The following STYXL2 variants were observed in gnomAD, a reference collection of about 807,000 sequenced individuals.
STYXL2 encodes serine/threonine/tyrosine-interacting-like protein 2.
In STYXL2, 44 loss-of-function variants were observed where a neutral mutation model predicts 52.4. The ratio of observed to expected loss-of-function variants is 0.84; its 90% confidence interval spans 0.66 to 1.08. STYXL2 has a LOEUF of 1.08. Ranked by LOEUF, STYXL2 falls within the 50% of genes least tolerant of loss-of-function variation. The pLI is 0.00. For missense variants in STYXL2, 1,604 were observed against 1,471.7 expected, an observed-to-expected ratio of 1.09 and a Z score of -1.47; for synonymous variants, 604 against 586.9, an observed-to-expected ratio of 1.03 and a Z score of -0.42.
intron 5 of STYXL2, among the ~76,000 whole-genome samples, chr1:167,121,340 G>A (rs1328950715): frequency 6.6e-6 from 1 of 152,222 alleles, no homozygotes; most frequent in Non-Finnish European, 1.5e-5. Flanking sequence ...AATGTAGGAC[G>A]TTTGACCAAC....
At chr1:167,102,162 T>G (rs1571332123) in intron 2 of STYXL2, among the ~76,000 whole-genome samples, 1 of 145,844 alleles carries the variant, frequency 6.9e-6, no homozygotes, top group African/African-American at 2.6e-5. Flanking sequence ...AGGGAGGGGG[T>G]GAGAGGGAGG....
chr1:167,125,757 AC>A (rs760064906), intron 5 of STYXL2, 29 bp from the exon 6 acceptor site: 10 of 1,551,552 alleles, frequency 6.4e-6, no homozygotes, highest in Middle Eastern at 3.5e-4. Context: ...CACTGTCATT[AC>A]ATCATTTTCT....
At chr1:167,107,256 G>A (rs6427062) in intron 2 of STYXL2, among the ~76,000 whole-genome samples, 68,322 of 151,828 alleles carry the variant, frequency 0.45, 16,810 homozygotes, top group East Asian at 0.9. Flanking sequence ...CCCTCAAGAC[G>A]TGGGTTCAAA....
rs1667997699 is a variant in STYXL2 at position 167,127,367 on chromosome 1, T to G, written c.2236T>G (p.Ser746Ala). 1.2e-6 allele frequency: 2 copies of G among 1,614,178 alleles called. No homozygotes were observed. Among genetic ancestry groups the G allele is most frequent in the Non-Finnish European group, 1.7e-6 (2 of 1,180,034 alleles). Residue 746 changes from serine (S) to alanine (A), a missense_variant, in exon 6 of 6, where the codon TCC becomes GCC. Ser to Ala is a moderately conservative substitution (Grantham distance 99). Transcript: ENST00000361200. ...AQKQNEMLLL[S>A]RSPSVASMKA... ...GAAGCAAAATGAAATGCTGCTGTTGTCCCGCTCACCGTCTGTTGCAAGCAT... is the reference window on the plus strand; with the variant it reads ...GAAGCAAAATGAAATGCTGCTGTTGGCCCGCTCACCGTCTGTTGCAAGCAT...
In STYXL2 at chr1:167,126,811, C is replaced by T. The variant is rs1392470472; in HGVS notation, c.1680C>T (p.Asp560=). Residue 560 remains aspartate (D), a synonymous_variant, in exon 6 of 6, where the codon GAC becomes GAT. Transcript: ENST00000361200. The part of the protein sequence containing the change: ...KRIQFGFHKK[D]LGAGDSSGEP... ...TCCAATTTGGATTTCACAAGAAAGA[C>T]TTGGGAGCGGGAGACAGCAGCGGTG... 5.0e-6 allele frequency: 8 copies of T among 1,614,062 alleles called. No homozygotes were observed. The highest frequency in any genetic ancestry group is 5.9e-6 in the Non-Finnish European group (7 of 1,180,036).
chr1:167,120,064 G>A (rs1054206262), intron 5 of STYXL2, among the ~76,000 whole-genome samples: 1 of 152,306 alleles, frequency 6.6e-6, no homozygotes, highest in Non-Finnish European at 1.5e-5. Context: ...TAAAAGCCAG[G>A]GTAAGAAGTT....
At chr1:167,111,735 G>T (rs1571338651) in intron 2 of STYXL2, among the ~76,000 whole-genome samples, 2 of 151,754 alleles carry the variant, frequency 1.3e-5, no homozygotes, top group South Asian at 2.1e-4. Flanking sequence ...TGGACTTTGG[G>T]GACTTGAGGG....
chr1:167,103,121 T>C (rs900736882), intron 2 of STYXL2, among the ~76,000 whole-genome samples: 1 of 152,164 alleles, frequency 6.6e-6, no homozygotes, highest in Non-Finnish European at 1.5e-5. Flanking sequence ...AATTCCAATC[T>C]CTGCCACTCC....
At chr1:167,096,268 A>G (rs759183622) in intron 2 of STYXL2, among the ~76,000 whole-genome samples, 4 of 152,118 alleles carry the variant, frequency 2.6e-5, no homozygotes, top group Non-Finnish European at 4.4e-5. Flanking sequence ...AAAAAAAAAG[A>G]AAAGAAAATT....
rs757430046 is a variant in STYXL2 at position 167,119,483 on chromosome 1, G to A, written c.655+17G>A. ...CTTACAGAGGTGAGAGGGATCTGCC[G>A]CTCCAGGCTGCTGGAATTCCACGGG... On this transcript the variant is annotated intron_variant, in intron 5 of 5. Coordinates refer to ENST00000361200, the MANE Select transcript of STYXL2 (RefSeq NM_001080426.3). 1.2e-5 allele frequency: 20 copies of A among 1,605,410 alleles called. No homozygotes were observed. Among genetic ancestry groups the A allele is most frequent in the Middle Eastern group, 3.3e-4 (2 of 6,054 alleles).
At chr1:167,121,797 G>A (rs961289446) in intron 5 of STYXL2, among the ~76,000 whole-genome samples, 1 of 152,222 alleles carries the variant, frequency 6.6e-6, no homozygotes, top group African/African-American at 2.4e-5. Flanking sequence ...TCCCTTGCAG[G>A]GTCCAGTGCG....
intron 2 of STYXL2, among the ~76,000 whole-genome samples, chr1:167,111,469 C>CATATATATATATATATAT (rs776014246): frequency 3.8e-5 from 3 of 79,936 alleles, no homozygotes; most frequent in Non-Finnish European, 5.2e-5. Context: ...AAATATGGTA[C>CATATATATATATATATAT]ATATATATAT....
At chr1:167,108,204 A>G (rs1381730876) in intron 2 of STYXL2, among the ~76,000 whole-genome samples, 1 of 152,040 alleles carries the variant, frequency 6.6e-6, no homozygotes, top group Non-Finnish European at 1.5e-5. Flanking sequence ...CCATCTACCC[A>G]TCTGTCTGTA....
chr1:167,102,227 G>T (rs1040087058), intron 2 of STYXL2, among the ~76,000 whole-genome samples: 2 of 151,918 alleles, frequency 1.3e-5, no homozygotes, highest in Non-Finnish European at 2.9e-5. Flanking sequence ...ATGGCTTCAC[G>T]GATGTATACA....
chr1:167,108,757 A>T (rs1667557927), intron 2 of STYXL2, among the ~76,000 whole-genome samples: 1 of 152,212 alleles, frequency 6.6e-6, no homozygotes, highest in Non-Finnish European at 1.5e-5. Context: ...CCACAGGAAC[A>T]TACCAGGAAA....
At chr1:167,117,274 G>C in intron 3 of STYXL2, 54 bp from the exon 4 acceptor site, 2 of 1,462,932 alleles carry the variant, frequency 1.4e-6, no homozygotes, top group Non-Finnish European at 1.9e-6. Flanking sequence ...CCAGGAACAA[G>C]GAAGGCCATG....
Position 167,128,419 on chromosome 1 carries a change from A to G in STYXL2, c.3288A>G (p.Glu1096=), listed in dbSNP as rs1170328727. Residue 1096 remains glutamate (E), a synonymous_variant, in exon 6 of 6, where the codon GAA becomes GAG. Transcript: ENST00000361200. ...RKFTQSFMRS[E]EEGEKERTEN... ...TCACCCAGAGCTTTATGAGGTCTGA[A>G]GAAGAGGGAGAGAAAGAGAGGACAG... is the stretch of plus-strand genomic sequence containing the variant. 1 of 1,614,090 alleles carries G rather than the reference A, an allele frequency of 6.2e-7. No homozygotes were observed.
In STYXL2 at chr1:167,113,524, T is replaced by A. The variant is rs557410110; in HGVS notation, c.111-186T>A. 1.1e-4 allele frequency among the ~76,000 whole-genome samples: 17 copies of A among 152,300 alleles called. No homozygotes were observed. In the East Asian group the frequency reaches 3.3e-3, roughly 29 times the overall value. ...GTGCCAACTGTGATCTGAAAATGGGTGGGCATCTGAGTCACATGATACCCA... is the reference window on the plus strand; with the variant it reads ...GTGCCAACTGTGATCTGAAAATGGGAGGGCATCTGAGTCACATGATACCCA... On this transcript the variant is annotated intron_variant, in intron 2 of 5. Transcript: ENST00000361200.
At chr1:167,104,501 G>A (rs1271612054) in intron 2 of STYXL2, among the ~76,000 whole-genome samples, 1 of 152,102 alleles carries the variant, frequency 6.6e-6, no homozygotes, top group Non-Finnish European at 1.5e-5. Flanking sequence ...GGGTGTGGTA[G>A]GAGACAGGGG....
Sources: gnomAD v4.1 joint callset for allele counts (sites outside exome capture counted in the v4.1 genomes callset) on GRCh38, gnomAD v4.1.1 for gene constraint, MANE v1.5 for transcripts, NCBI Gene and HGNC (gene_info 2026-07-23, HGNC 2026-07-21) for gene names.